CELF2: variants seen among roughly 807,000 people sequenced by gnomAD.
CELF2 encodes CUGBP Elav-like family member 2, also known as CUG triplet repeat RNA-binding protein 2.
CELF2 carries 8 observed loss-of-function variants against 62.6 expected under a neutral mutation model. That is an observed-to-expected ratio of 0.13 (90% confidence interval 0.07 to 0.23). The LOEUF (loss-of-function observed/expected upper bound fraction) is 0.23. Among genes scored for constraint, CELF2 ranks in the 10% least tolerant of loss-of-function variants. The pLI, the probability that CELF2 is intolerant of heterozygous loss-of-function variation, is 1.00. For missense variants in CELF2, 333 were observed against 671.0 expected, an observed-to-expected ratio of 0.50 and a Z score of 5.56; for synonymous variants, 258 against 250.0, an observed-to-expected ratio of 1.03 and a Z score of -0.30.
the CELF2 span, among the ~76,000 whole-genome samples, chr10:10,511,392 AC>A: frequency 6.6e-6 from 1 of 152,136 alleles, no homozygotes; most frequent in Non-Finnish European, 1.5e-5. Context: ...AGCCTGGGTG[AC>A]AGAGTTAAGA....
At chr10:11,265,361 GTAA>G (rs893987872) in intron 5 of CELF2, among the ~76,000 whole-genome samples, 3 of 152,200 alleles carry the variant, frequency 2.0e-5, no homozygotes, top group Non-Finnish European at 2.9e-5. Context: ...CTTTTAAGTA[GTAA>G]TAATAATGTT....
rs953708819 is a variant in CELF2, at chr10:10,938,798, C to G, written c.89+18799C>G. Among the ~76,000 whole-genome samples the G allele has an allele frequency of 1.3e-5, 2 of 152,186 alleles. No individual in the cohort carries two copies. Among genetic ancestry groups the G allele is most frequent in the African/African-American group, 4.8e-5 (2 of 41,460 alleles). ...AGTGCCTGGACAACTCAGGCTCGAGCCCGCTGGGGACCCCGTGAAGCACTG... is the reference window on the plus strand; with the variant it reads ...AGTGCCTGGACAACTCAGGCTCGAGGCCGCTGGGGACCCCGTGAAGCACTG... On this transcript the variant is annotated intron_variant, in intron 2 of 13. Coordinates refer to the CELF2 transcript ENST00000636488. The surrounding 1 kb of genome is among the most constrained non-coding windows in gnomAD (Gnocchi z 4.2).
chr10:10,599,584 C>G, the CELF2 span, among the ~76,000 whole-genome samples: 1 of 152,068 alleles, frequency 6.6e-6, no homozygotes, highest in Non-Finnish European at 1.5e-5. Context: ...GCTGATGAGC[C>G]TACAAAGGAG....
At chr10:10,737,566 C>T in the CELF2 span, among the ~76,000 whole-genome samples, 1 of 152,074 alleles carries the variant, frequency 6.6e-6, no homozygotes, top group African/African-American at 2.4e-5. Context: ...TTTGCGAAGT[C>T]ATTTGGAAAG....
intron 1 of CELF2, among the ~76,000 whole-genome samples, chr10:11,064,003 G>A (rs2067447219): frequency 6.6e-6 from 1 of 152,182 alleles, no homozygotes; most frequent in South Asian, 2.1e-4. Context: ...TTGAACTACA[G>A]GAAACTAATT....
At chr10:10,463,958 TAAAA>T in the CELF2 span, among the ~76,000 whole-genome samples, 1 of 143,358 alleles carries the variant, frequency 7.0e-6, no homozygotes, top group Non-Finnish European at 1.5e-5. Flanking sequence ...AACCTTTTTC[TAAAA>T]AAAAAAAAAA....
chr10:10,899,808 C>G (rs966313598), intron 1 of CELF2, among the ~76,000 whole-genome samples: 6 of 152,098 alleles, frequency 3.9e-5, no homozygotes, highest in Non-Finnish European at 5.9e-5. Flanking sequence ...TTTAAAGAAC[C>G]AAATCTCACA....
chr10:10,808,715 A>T (rs770431532), intron 1 of CELF2, among the ~76,000 whole-genome samples: 4 of 152,202 alleles, frequency 2.6e-5, no homozygotes, highest in African/African-American at 4.8e-5. Flanking sequence ...AACTAATCAG[A>T]GACACGGTAA....
upstream of CELF2, among the ~76,000 whole-genome samples, chr10:11,014,677 ACT>A (rs1343988761): frequency 1.3e-5 from 2 of 151,942 alleles, no homozygotes; most frequent in Non-Finnish European, 2.9e-5. Context: ...TGTGGACAAA[ACT>A]CTGTATGAGA....
chr10:10,855,964 T>TGTCAGTCTG (rs1350189640), intron 1 of CELF2, among the ~76,000 whole-genome samples: 1 of 152,120 alleles, frequency 6.6e-6, no homozygotes, highest in African/African-American at 2.4e-5. Flanking sequence ...GGCAAAGAGA[T>TGTCAGTCTG]GTCAGTCTGG....
the CELF2 span, among the ~76,000 whole-genome samples, chr10:10,751,697 G>A: frequency 3.3e-5 from 5 of 152,290 alleles, no homozygotes; most frequent in African/African-American, 1.2e-4. Context: ...AAAAGATTAA[G>A]TTGATAGTAG....
At chr10:10,921,149 T>C (rs1190090056) in intron 2 of CELF2, among the ~76,000 whole-genome samples, 1 of 151,900 alleles carries the variant, frequency 6.6e-6, no homozygotes, top group African/African-American at 2.4e-5. Flanking sequence ...GAGACAGAGT[T>C]TTGCCATGTT....
At chr10:10,504,085 A>T in the CELF2 span, among the ~76,000 whole-genome samples, 1 of 152,102 alleles carries the variant, frequency 6.6e-6, no homozygotes, top group Non-Finnish European at 1.5e-5. Flanking sequence ...ATTTAGATAC[A>T]CATAATTTTT....
chr10:10,496,430 A>C, the CELF2 span, among the ~76,000 whole-genome samples: 3 of 152,178 alleles, frequency 2.0e-5, no homozygotes, highest in Non-Finnish European at 4.4e-5. Flanking sequence ...GAAATGATAA[A>C]GTCTTCTGAT....
At chr10:10,518,605 G>C in the CELF2 span, among the ~76,000 whole-genome samples, 79 of 152,232 alleles carry the variant, frequency 5.2e-4, no homozygotes, top group African/African-American at 1.8e-3. Context: ...AATTCTTAAT[G>C]AAATACTAAG....
intron 1 of CELF2, among the ~76,000 whole-genome samples, chr10:11,025,346 C>G (rs544859455): frequency 6.6e-6 from 1 of 151,982 alleles, no homozygotes; most frequent in Non-Finnish European, 1.5e-5. Flanking sequence ...ATAGTCCCCA[C>G]GTGTCAAGGG....
the CELF2 span, among the ~76,000 whole-genome samples, chr10:10,770,213 G>T: frequency 1.3e-5 from 2 of 152,024 alleles, no homozygotes; most frequent in African/African-American, 4.8e-5. Context: ...AATTAGTTTT[G>T]GATATGTTAA....
the CELF2 span, among the ~76,000 whole-genome samples, chr10:10,730,841 C>T: frequency 2.0e-5 from 3 of 152,200 alleles, no homozygotes; most frequent in African/African-American, 7.2e-5. Context: ...GTCCAACCCT[C>T]TCTCAGTGTT....
chr10:10,820,324 A>T (rs1262563027), intron 1 of CELF2, among the ~76,000 whole-genome samples: 1 of 152,096 alleles, frequency 6.6e-6, no homozygotes. Context: ...AAAATCTGTA[A>T]CTTGTCCTGC....
Sources: allele counts gnomAD v4.1 joint callset (sites outside exome capture counted in the v4.1 genomes callset), GRCh38; gene constraint gnomAD v4.1.1; non-coding constraint Gnocchi (gnomAD v3.1); transcripts MANE v1.5; gene names NCBI Gene and HGNC (gene_info 2026-07-23, HGNC 2026-07-21).